RALGAPA1: variants seen among roughly 807,000 people sequenced by gnomAD.
The protein encoded by RALGAPA1 is ral GTPase-activating protein subunit alpha-1.
RALGAPA1 carries 52 observed loss-of-function variants against 269.6 expected under a neutral mutation model. The ratio of observed to expected loss-of-function variants is 0.19; its 90% CI spans 0.15 to 0.24. The LOEUF (loss-of-function observed/expected upper bound fraction) is 0.24. Among genes scored for constraint, RALGAPA1 ranks in the 10% least tolerant of loss-of-function variants. The probability of loss-of-function intolerance (pLI) is 1.00; values close to 1 mark genes in which losing one functional copy is unlikely to be tolerated. For synonymous variants in RALGAPA1, 817 were observed against 1,008.3 expected, an observed-to-expected ratio of 0.81 and a Z score of 3.60; for missense variants, 1,917 against 3,013.9, an observed-to-expected ratio of 0.64 and a Z score of 8.52.
At chr14:35,661,055 T>C (rs1009747569) in intron 27 of RALGAPA1, among the ~76,000 whole-genome samples, 2 of 152,126 alleles carry the variant, frequency 1.3e-5, no homozygotes, top group Non-Finnish European at 2.9e-5. Context: ...GCATGGTGAC[T>C]ACAATTAACA....
At position 35,626,719 on chromosome 14, in the gene RALGAPA1, T is replaced by A. The variant is rs1049361305; in HGVS notation, c.6857+371A>T. ...AGAAAACAAAATAATTTTTAAAACT[T>A]CAGATTCTTTTTTTGATTTGACCTT... is the stretch of plus-strand genomic sequence containing the variant. On this transcript the variant is annotated intron_variant, in intron 34 of 41. Transcript: ENST00000680220. 2.2e-4 allele frequency among the ~76,000 whole-genome samples: 34 copies of A among 152,262 alleles called. 1 individual carries two copies. The highest frequency in any genetic ancestry group is 8.5e-4 in the Admixed American group (13 of 15,294).
intron 29 of RALGAPA1, 73 bp downstream of exon 29, chr14:35,655,734 A>G: frequency 6.5e-7 from 1 of 1,539,744 alleles, no homozygotes; most frequent in Non-Finnish European, 8.7e-7. Flanking sequence ...TACACAAGAT[A>G]CCATTAATAT....
intron 41 of RALGAPA1, among the ~76,000 whole-genome samples, chr14:35,548,130 TC>T (rs1470315995): frequency 2.6e-5 from 4 of 152,034 alleles, no homozygotes; most frequent in Non-Finnish European, 5.9e-5. Context: ...CAGAGAGTTA[TC>T]ATTTGATGAG....
At chr14:35,688,425 C>T (rs1182547542) in intron 18 of RALGAPA1, 34 bp downstream of exon 18, 2 of 1,535,940 alleles carry the variant, frequency 1.3e-6, no homozygotes, top group Non-Finnish European at 1.7e-6. Flanking sequence ...TGCTGTCTTT[C>T]TCCTTTTGCG....
chr14:35,779,529 AAATAAT>A (rs573984561), intron 1 of RALGAPA1, among the ~76,000 whole-genome samples: 5 of 150,880 alleles, frequency 3.3e-5, no homozygotes, highest in African/African-American at 9.7e-5. Flanking sequence ...CCTTGTCACT[AAATAAT>A]AATAATAATA....
At position 35,736,171 on chromosome 14, in the gene RALGAPA1, T is replaced by C. The variant is rs541869505; in HGVS notation, c.1587+2342A>G. Among the ~76,000 whole-genome samples the C allele has an allele frequency of 2.6e-5, 4 of 152,260 alleles. No homozygotes were observed. The East Asian group carries it at 7.7e-4, about 29-fold the overall frequency. On this transcript the variant is annotated intron_variant, in intron 12 of 41. Transcript: ENST00000680220. ...TGTGCTGAGCAGTAGTCAGATTCTGTACACATTATGAAGGGAGAGCTGACA... is the reference window on the plus strand; with the variant it reads ...TGTGCTGAGCAGTAGTCAGATTCTGCACACATTATGAAGGGAGAGCTGACA...
intron 35 of RALGAPA1, among the ~76,000 whole-genome samples, chr14:35,624,482 A>G (rs950080142): frequency 6.6e-6 from 1 of 152,158 alleles, no homozygotes; most frequent in Non-Finnish European, 1.5e-5. Context: ...TTAAAGGCAG[A>G]TAACAAACAA....
chr14:35,589,851 C>G (rs959206981), intron 37 of RALGAPA1, among the ~76,000 whole-genome samples: 5 of 152,062 alleles, frequency 3.3e-5, no homozygotes, highest in Non-Finnish European at 7.4e-5. Flanking sequence ...AGGCATGCAC[C>G]ACTATGCCTG....
intron 36 of RALGAPA1, among the ~76,000 whole-genome samples, chr14:35,600,432 A>G (rs926780066): frequency 1.3e-5 from 2 of 151,476 alleles, no homozygotes; most frequent in Non-Finnish European, 2.9e-5. Flanking sequence ...GGATCTCACT[A>G]TGTTGCCCAG....
intron 37 of RALGAPA1, among the ~76,000 whole-genome samples, chr14:35,583,354 C>G (rs1054221862): frequency 6.6e-6 from 1 of 152,094 alleles, no homozygotes; most frequent in Non-Finnish European, 1.5e-5. Flanking sequence ...AGACAAGACA[C>G]AGCTGAGGAA....
chr14:35,663,587 ATTT>A (rs371523411), intron 27 of RALGAPA1, among the ~76,000 whole-genome samples: 3 of 132,272 alleles, frequency 2.3e-5, no homozygotes, highest in Admixed American at 7.6e-5. Flanking sequence ...ACCCTTGGGA[ATTT>A]TTTTTTTTTT....
intron 1 of RALGAPA1, among the ~76,000 whole-genome samples, chr14:35,801,066 A>G (rs925971071): frequency 6.6e-6 from 1 of 151,574 alleles, no homozygotes; most frequent in African/African-American, 2.4e-5. Flanking sequence ...ATCAATTAAA[A>G]AAAAAAAAAA....
intron 1 of RALGAPA1, among the ~76,000 whole-genome samples, chr14:35,791,594 C>T (rs1173607493): frequency 1.3e-4 from 20 of 149,078 alleles, no homozygotes; most frequent in Admixed American, 4.0e-4. Context: ...GAGACAAGAG[C>T]GAAACTCTGT....
chr14:35,597,291 G>C (rs2058986066), intron 36 of RALGAPA1, among the ~76,000 whole-genome samples: 1 of 152,132 alleles, frequency 6.6e-6, no homozygotes, highest in Non-Finnish European at 1.5e-5. Context: ...TTCCCTCATA[G>C]CCTTTGAAAT....
chr14:35,579,018 G>A (rs2057769134), intron 37 of RALGAPA1, among the ~76,000 whole-genome samples: 1 of 152,180 alleles, frequency 6.6e-6, no homozygotes, highest in Non-Finnish European at 1.5e-5. Flanking sequence ...AGGGTAATGT[G>A]ATAAAGTTCC....
intron 4 of RALGAPA1, chr14:35,766,346 G>C: frequency 7.7e-7 from 1 of 1,294,192 alleles, no homozygotes; most frequent in Non-Finnish European, 1.1e-6. Flanking sequence ...TTCCCAGTTT[G>C]ACAAATGTGA....
At chr14:35,778,036 T>G (rs1197156983) in intron 1 of RALGAPA1, among the ~76,000 whole-genome samples, 3 of 152,164 alleles carry the variant, frequency 2.0e-5, no homozygotes, top group South Asian at 4.2e-4. Flanking sequence ...AACTCTTTCA[T>G]GTATTATCAT....
intron 6 of RALGAPA1, among the ~76,000 whole-genome samples, chr14:35,758,943 T>C (rs993175879): frequency 2.6e-5 from 4 of 151,888 alleles, no homozygotes; most frequent in Admixed American, 6.6e-5. Flanking sequence ...CAAGACCCCA[T>C]CTCTACAAAA....
Position 35,747,347 on chromosome 14 carries a change from C to A in RALGAPA1, c.1251+1238G>T, listed in dbSNP as rs532572541. On this transcript the variant is annotated intron_variant, in intron 10 of 41. Transcript: ENST00000680220. ...TTAAACTGACTCAACAACTGGAAAG[C>A]CTGAATAGTTCTACAAGCTTTAAAA... Among the ~76,000 whole-genome samples the A allele has an allele frequency of 3.9e-5, 6 of 152,264 alleles. No homozygotes were observed. In the South Asian group the frequency reaches 1.2e-3, roughly 32 times the overall value.
Sources: allele counts gnomAD v4.1 joint callset (sites outside exome capture counted in the v4.1 genomes callset), GRCh38; gene constraint gnomAD v4.1.1; transcripts MANE v1.5; gene names NCBI Gene and HGNC (gene_info 2026-07-23, HGNC 2026-07-21).